PCDH15: variants seen among roughly 807,000 people sequenced by gnomAD.
The protein encoded by PCDH15 is protocadherin-15.
Under a neutral mutation model 178.5 loss-of-function variants are expected in PCDH15, and 129 were observed. The observed-to-expected ratio is 0.72, with a 90% CI of 0.63 to 0.84. The LOEUF is 0.84. Among genes scored for constraint, PCDH15 ranks in the 40% least tolerant of loss-of-function variants. The probability of loss-of-function intolerance (pLI) is 0.00; values close to 1 mark genes in which losing one functional copy is unlikely to be tolerated. For missense variants in PCDH15, 2,230 were observed against 2,099.9 expected, an observed-to-expected ratio of 1.06 and a Z score of -1.21; for synonymous variants, 800 against 732.0, an observed-to-expected ratio of 1.09 and a Z score of -1.50.
chr10:54,823,997 C>T (rs892045388), intron 3 of PCDH15, among the ~76,000 whole-genome samples: 14 of 152,100 alleles, frequency 9.2e-5, no homozygotes, highest in African/African-American at 3.4e-4. Context: ...AGCATATTAT[C>T]AAGCCCTGGC....
chr10:55,102,664 A>G (rs1211381718), intron 2 of PCDH15, among the ~76,000 whole-genome samples: 1 of 152,132 alleles, frequency 6.6e-6, no homozygotes, highest in Non-Finnish European at 1.5e-5. Context: ...TACAGTTGAC[A>G]CTTGAGCAAT....
chr10:55,187,269 T>A (rs1839824795), intron 1 of PCDH15, among the ~76,000 whole-genome samples: 1 of 152,062 alleles, frequency 6.6e-6, no homozygotes, highest in Non-Finnish European at 1.5e-5. Context: ...AACTCAGTAT[T>A]AATTTTTTCA....
intron 12 of PCDH15, 108 bp downstream of exon 12, chr10:54,185,026 C>T: frequency 1.5e-6 from 2 of 1,319,300 alleles, no homozygotes; most frequent in South Asian, 2.5e-5. Context: ...ATTTTTCCCC[C>T]AAGTCATTGA....
intron 1 of PCDH15, among the ~76,000 whole-genome samples, chr10:54,780,379 T>G (rs2133394556): frequency 6.6e-6 from 1 of 152,296 alleles, no homozygotes; most frequent in Non-Finnish European, 1.5e-5. Flanking sequence ...ATTAGCTAGC[T>G]GTGGGTCAGC....
At chr10:55,494,817 CA>C (rs1194651031) in intron 2 of PCDH15, among the ~76,000 whole-genome samples, 1 of 151,692 alleles carries the variant, frequency 6.6e-6, no homozygotes, top group Non-Finnish European at 1.5e-5. Flanking sequence ...TATGTGCATA[CA>C]TTTTTGAAAA....
intron 25 of PCDH15, among the ~76,000 whole-genome samples, chr10:53,923,214 AAAT>A (rs2084162179): frequency 6.6e-6 from 1 of 152,234 alleles, no homozygotes; most frequent in Non-Finnish European, 1.5e-5. Context: ...ACAGCTTTTA[AAAT>A]AATGATTTCC....
At chr10:54,035,589 C>A (rs2135462852) in intron 18 of PCDH15, among the ~76,000 whole-genome samples, 1 of 151,954 alleles carries the variant, frequency 6.6e-6, no homozygotes, top group Admixed American at 6.6e-5. Context: ...GTTCTGATTT[C>A]TCCACCCACT....
In PCDH15 at chr10:53,840,472, T is replaced by C; in HGVS notation, c.3831A>G (p.Glu1277=). The C allele has an allele frequency of 6.2e-7, 1 of 1,614,110 alleles. No individual in the cohort carries two copies. Among genetic ancestry groups the C allele is most frequent in the South Asian group, 1.1e-5 (1 of 91,084 alleles). The change falls in exon 29 of 38, where the codon GAA becomes GAG. Residue 1277 remains glutamate (E), a synonymous_variant. Coordinates refer to ENST00000644397, the MANE Select transcript of PCDH15 (RefSeq NM_001384140.1). The stretch of plus-strand genomic sequence containing the variant: ...CTACGACCTTGGCACCAGGAATTTG[T>C]TCCTGAACATAGCGATCCAAGATCC... ...LTEILDRYVQ[E]QIPGAKVVVE... is the part of the protein sequence containing the mutation.
At chr10:54,151,207 A>G (rs1421129921) in intron 14 of PCDH15, among the ~76,000 whole-genome samples, 1 of 152,140 alleles carries the variant, frequency 6.6e-6, no homozygotes, top group Non-Finnish European at 1.5e-5. Context: ...AAACGAGACA[A>G]GCATTTTTAT....
At chr10:53,929,572 G>A (rs1204298885) in intron 25 of PCDH15, among the ~76,000 whole-genome samples, 1 of 151,964 alleles carries the variant, frequency 6.6e-6, no homozygotes, top group Non-Finnish European at 1.5e-5. Context: ...GTTATAGCAG[G>A]GATACTTTTG....
intron 3 of PCDH15, among the ~76,000 whole-genome samples, chr10:54,508,750 AAC>A (rs2081381823): frequency 1.3e-5 from 2 of 152,132 alleles, no homozygotes; most frequent in South Asian, 4.1e-4. Context: ...ATGCTACAGC[AAC>A]AGAGTCACCA....
intron 25 of PCDH15, among the ~76,000 whole-genome samples, chr10:53,909,899 A>G (rs896520193): frequency 1.3e-5 from 2 of 152,172 alleles, no homozygotes; most frequent in African/African-American, 2.4e-5. Flanking sequence ...AGCCTTGCTC[A>G]CTGCTAGTGC....
At chr10:54,329,564 C>G (rs1032018894) in intron 7 of PCDH15, 32 bp downstream of exon 7, 5 of 1,467,004 alleles carry the variant, frequency 3.4e-6, no homozygotes, top group Non-Finnish European at 4.8e-6. Context: ...CATAAATTCA[C>G]AGAAGAAATT....
chr10:55,498,177 G>A (rs1242165796), intron 2 of PCDH15, among the ~76,000 whole-genome samples: 1 of 151,804 alleles, frequency 6.6e-6, no homozygotes, highest in African/African-American at 2.4e-5. Context: ...ATATTTTAAA[G>A]TCGAAATTAC....
chr10:55,117,265 T>G (rs1837650387), intron 2 of PCDH15, among the ~76,000 whole-genome samples: 1 of 152,232 alleles, frequency 6.6e-6, no homozygotes, highest in Non-Finnish European at 1.5e-5. Context: ...GAAATCATAA[T>G]TGTTCCTGTG....
rs776479912 is a variant in PCDH15, at chr10:53,822,543, C to A, written c.4368-2313G>T. ...ATGGGCAAAATTTTCAAAAATATTT[C>A]TTTCGGTTTCAATAGGTAACATACA... On this transcript the variant is annotated intron_variant, in intron 32 of 37. Coordinates refer to ENST00000644397, the MANE Select transcript of PCDH15 (RefSeq NM_001384140.1). The A allele has an allele frequency of 5.6e-6, 9 of 1,613,626 alleles. No individual in the cohort carries two copies. In the Admixed American group the frequency reaches 1.5e-4, roughly 27 times the overall value.
chr10:54,865,393 C>G (rs1953921533), intron 3 of PCDH15, among the ~76,000 whole-genome samples: 1 of 152,316 alleles, frequency 6.6e-6, no homozygotes, highest in Non-Finnish European at 1.5e-5. Flanking sequence ...TGACCACACA[C>G]TGAAGGCTGT....
chr10:54,525,322 T>G (rs759867999), intron 3 of PCDH15, among the ~76,000 whole-genome samples: 3 of 152,184 alleles, frequency 2.0e-5, no homozygotes, highest in African/African-American at 7.2e-5. Context: ...CAAAGAAGCT[T>G]CAAAGCCTTT....
intron 1 of PCDH15, among the ~76,000 whole-genome samples, chr10:55,187,616 A>G (rs1173008213): frequency 2.6e-5 from 4 of 152,012 alleles, no homozygotes; most frequent in South Asian, 2.1e-4. Flanking sequence ...CCATGGCCCA[A>G]TCTTAGATTT....
Sources: allele counts gnomAD v4.1 joint callset (sites outside exome capture counted in the v4.1 genomes callset), GRCh38; gene constraint gnomAD v4.1.1; transcripts MANE v1.5; gene names NCBI Gene and HGNC (gene_info 2026-07-23, HGNC 2026-07-21).